Variants in HPSE2 observed in about 807,000 individuals in gnomAD.
HPSE2 encodes heparanase 2 (inactive).
HPSE2 carries 38 observed loss-of-function variants against 60.5 expected under a neutral mutation model. The ratio of observed to expected loss-of-function variants is 0.63; its 90% CI spans 0.48 to 0.82. The LOEUF (loss-of-function observed/expected upper bound fraction) is 0.82, where lower values mean the gene tolerates loss of function less well. Ranked by LOEUF, HPSE2 falls within the 40% of genes least tolerant of loss-of-function variation. HPSE2 has a pLI of 0.00. For missense variants in HPSE2, 713 were observed against 740.4 expected (o/e 0.96, Z 0.43); for synonymous variants, 295 against 293.2 (o/e 1.01, Z -0.06).
At chr10:99,005,043 T>A (rs979330484) in intron 3 of HPSE2, among the ~76,000 whole-genome samples, 3 of 152,212 alleles carry the variant, frequency 2.0e-5, no homozygotes, top group Non-Finnish European at 4.4e-5. Context: ...TTATATGTGA[T>A]CTGCTTCTTT....
the HPSE2 span, among the ~76,000 whole-genome samples, chr10:99,252,794 A>G: frequency 1.3e-5 from 2 of 151,050 alleles, no homozygotes; most frequent in African/African-American, 4.9e-5. Context: ...GGAGAATGGC[A>G]TGAACCTGGG....
At chr10:99,190,769 T>A (rs973018358) in intron 2 of HPSE2, among the ~76,000 whole-genome samples, 4 of 152,098 alleles carry the variant, frequency 2.6e-5, no homozygotes, top group Non-Finnish European at 5.9e-5. Context: ...AATAAAAAAA[T>A]CAGCTTGGGT....
In HPSE2 at chr10:98,587,676, C is replaced by T. The variant is rs557070126; in HGVS notation, c.1320+27228G>A. Among the ~76,000 whole-genome samples, 7 of 152,274 alleles carry T rather than the reference C, an allele frequency of 4.6e-5. No homozygotes were observed. The South Asian group carries it at 1.5e-3, about 32-fold the overall frequency. On this transcript the variant is annotated intron_variant, in intron 9 of 11. Coordinates refer to ENST00000370552, the MANE Select transcript of HPSE2 (RefSeq NM_021828.5). ...CCAAATATTTCTGAAACTAGATGAA[C>T]TTCAGTTCACCCCTCCTTCTGAATC...
At chr10:99,053,907 T>C (rs898505611) in intron 3 of HPSE2, among the ~76,000 whole-genome samples, 6 of 151,446 alleles carry the variant, frequency 4.0e-5, no homozygotes, top group Admixed American at 2.0e-4. Context: ...TTTTTTTTTT[T>C]TGTATTTTAG....
intron 3 of HPSE2, among the ~76,000 whole-genome samples, chr10:98,752,521 A>G (rs1949782493): frequency 6.6e-6 from 1 of 152,204 alleles, no homozygotes; most frequent in African/African-American, 2.4e-5. Flanking sequence ...GTATCTGGAT[A>G]CTTTCTACAG....
rs79697747 is a variant in HPSE2, at chr10:98,953,678, C to T, written c.610+190560G>A. ...GACATATTTGTATGCTACGTGGCAA[C>T]TAGAGAGTGAAAAAAACAGGCATCA... On this transcript the variant is annotated intron_variant, in intron 3 of 11. Transcript: ENST00000370552. 1.6e-3 allele frequency among the ~76,000 whole-genome samples: 247 copies of T among 152,172 alleles called. 4 individuals carry two copies. The East Asian group carries it at 0.039, about 24-fold the overall frequency.
At chr10:98,880,367 T>C (rs886450770) in intron 3 of HPSE2, among the ~76,000 whole-genome samples, 5 of 152,074 alleles carry the variant, frequency 3.3e-5, no homozygotes, top group African/African-American at 1.2e-4. Context: ...ACCTACAACC[T>C]ATTCACAGAT....
chr10:99,248,654 C>A, the HPSE2 span, among the ~76,000 whole-genome samples: 1 of 152,188 alleles, frequency 6.6e-6, no homozygotes, highest in South Asian at 2.1e-4. Flanking sequence ...GTAAAAAGGA[C>A]TAAATGTTAA....
chr10:98,927,168 T>C, intron 3 of HPSE2, among the ~76,000 whole-genome samples: 1 of 147,804 alleles, frequency 6.8e-6, no homozygotes, highest in East Asian at 1.9e-4. Flanking sequence ...CTTGTTGACT[T>C]TCTGTCTCGT....
intron 3 of HPSE2, among the ~76,000 whole-genome samples, chr10:98,806,342 T>C (rs1951041087): frequency 6.6e-6 from 1 of 152,190 alleles, no homozygotes; most frequent in Non-Finnish European, 1.5e-5. Context: ...GGGATACTAC[T>C]GATGAGCAAA....
chr10:99,236,253 G>A (rs1434818013), upstream of HPSE2, among the ~76,000 whole-genome samples: 2 of 152,132 alleles, frequency 1.3e-5, no homozygotes, highest in African/African-American at 4.8e-5. Flanking sequence ...GGAAGCAGAG[G>A]GAGGAATCCA....
intron 3 of HPSE2, among the ~76,000 whole-genome samples, chr10:98,746,007 T>C (rs1949619684): frequency 6.6e-6 from 1 of 152,138 alleles, no homozygotes; most frequent in Non-Finnish European, 1.5e-5. Flanking sequence ...GCCATTTTCA[T>C]CTTCTTACAT....
At chr10:98,920,733 C>A (rs190958419) in intron 3 of HPSE2, among the ~76,000 whole-genome samples, 387 of 152,246 alleles carry the variant, frequency 2.5e-3, no homozygotes, top group Non-Finnish European at 4.7e-3. Context: ...CTGGATTGAA[C>A]TAAAAAGAGT....
intron 3 of HPSE2, among the ~76,000 whole-genome samples, chr10:98,810,766 A>T (rs115298122): frequency 0.012 from 1,805 of 152,196 alleles, 24 homozygotes; most frequent in African/African-American, 0.041. Flanking sequence ...CTAAAAAAAA[A>T]AAATAAAAAT....
At chr10:98,699,155 T>C (rs1415330567) in intron 5 of HPSE2, among the ~76,000 whole-genome samples, 1 of 151,950 alleles carries the variant, frequency 6.6e-6, no homozygotes, top group Non-Finnish European at 1.5e-5. Flanking sequence ...GCCAGCATCA[T>C]CCTGATACCA....
At chr10:98,663,968 T>C (rs1947292183) in intron 6 of HPSE2, among the ~76,000 whole-genome samples, 1 of 152,120 alleles carries the variant, frequency 6.6e-6, no homozygotes, top group South Asian at 2.1e-4. Flanking sequence ...AGCTCTATGT[T>C]GGCTGGGGAA....
intron 9 of HPSE2, among the ~76,000 whole-genome samples, chr10:98,534,652 A>G (rs622865): frequency 0.96 from 145,305 of 152,008 alleles, 69,782 homozygotes; most frequent in East Asian, 1. Context: ...TGATCTGCCC[A>G]CCTCAGCCTC....
intron 11 of HPSE2, among the ~76,000 whole-genome samples, chr10:98,460,377 A>C (rs1300376285): frequency 1.2e-4 from 4 of 34,476 alleles, no homozygotes; most frequent in Non-Finnish European, 1.7e-4. Context: ...CTATAATCTC[A>C]GCATTTTGGG....
intron 9 of HPSE2, among the ~76,000 whole-genome samples, chr10:98,551,272 T>C (rs1315530915): frequency 6.6e-6 from 1 of 152,074 alleles, no homozygotes; most frequent in Admixed American, 6.6e-5. Flanking sequence ...CTGACAGCGC[T>C]GCAGAAAAAG....
Sources: allele counts gnomAD v4.1 joint callset (sites outside exome capture counted in the v4.1 genomes callset), GRCh38; gene constraint gnomAD v4.1.1; transcripts MANE v1.5; gene names NCBI Gene and HGNC (gene_info 2026-07-23, HGNC 2026-07-21).